Variants in RPS6KA1 observed in about 807,000 individuals in gnomAD.
RPS6KA1 encodes the protein ribosomal protein S6 kinase alpha-1.
Under a neutral mutation model 91.3 loss-of-function variants are expected in RPS6KA1, and 48 were observed. The observed-to-expected ratio is 0.53, with a 90% CI of 0.42 to 0.67. The LOEUF (loss-of-function observed/expected upper bound fraction) is 0.67, where lower values mean the gene tolerates loss of function less well. RPS6KA1 is among the 30% of genes least tolerant of loss of function. RPS6KA1 has a pLI of 0.00. For synonymous variants in RPS6KA1, 359 were observed against 384.7 expected, an observed-to-expected ratio of 0.93 and a Z score of 0.78; for missense variants, 719 against 960.5, an observed-to-expected ratio of 0.75 and a Z score of 3.32.
intron 17 of RPS6KA1, among the ~76,000 whole-genome samples, chr1:26,568,444 T>C (rs1030358304): frequency 1.3e-5 from 2 of 151,982 alleles, no homozygotes; most frequent in Non-Finnish European, 2.9e-5. Context: ...TGTATTAGGG[T>C]AGGAAAAAAG....
At chr1:26,534,791 A>G (rs1012032977) in intron 1 of RPS6KA1, among the ~76,000 whole-genome samples, 4 of 152,170 alleles carry the variant, frequency 2.6e-5, no homozygotes, top group African/African-American at 9.7e-5. Flanking sequence ...ATTTGAACCC[A>G]CAAGGTCAGG....
chr1:26,533,313 C>T (rs1469061525), intron 1 of RPS6KA1, among the ~76,000 whole-genome samples: 1 of 152,134 alleles, frequency 6.6e-6, no homozygotes, highest in Non-Finnish European at 1.5e-5. Context: ...CTCTTGACCT[C>T]GTGATCCTCG....
rs1311295776 is a variant in RPS6KA1 at position 26,554,188 on chromosome 1, C to A, written c.576-26C>A. On this transcript the variant is annotated intron_variant, in intron 7 of 21. Coordinates refer to ENST00000374168, the MANE Select transcript of RPS6KA1 (RefSeq NM_002953.4). The surrounding 1 kb of genome is among the most constrained non-coding windows in gnomAD (Gnocchi z 4.6). ...CACCCACACGGCCACAGCTGAGGGG[C>A]CCTGACCACTATTTCTCTATTACAG... 2 of 1,551,740 alleles carry A rather than the reference C, an allele frequency of 1.3e-6. No individual in the cohort carries two copies. The highest frequency in any genetic ancestry group is 8.7e-7 in the Non-Finnish European group (1 of 1,147,034).
At position 26,555,231 on chromosome 1, in the gene RPS6KA1, A is replaced by G; in HGVS notation, c.827+10A>G. Reference sequence around the variant, plus strand: ...TGACACTGATTCTGAAGTAAGCCCCAGCCCTGCCCTGATAACAATGGACTC... The same window carrying G: ...TGACACTGATTCTGAAGTAAGCCCCGGCCCTGCCCTGATAACAATGGACTC... On this transcript the variant is annotated intron_variant, in intron 10 of 21. Coordinates refer to ENST00000374168, the MANE Select transcript of RPS6KA1 (RefSeq NM_002953.4). This position sits in a 1 kb window ranked among gnomAD's most constrained non-coding sequence, Gnocchi z 4.3. 6.2e-7 allele frequency: 1 copy of G among 1,613,946 alleles called. No homozygotes were observed. The highest frequency in any genetic ancestry group is 8.5e-7 in the Non-Finnish European group (1 of 1,179,832).
At chr1:26,543,110 G>A in intron 2 of RPS6KA1, 2 of 1,531,364 alleles carry the variant, frequency 1.3e-6, no homozygotes, top group Non-Finnish European at 1.7e-6. Flanking sequence ...GCTAAAAAAA[G>A]CAGAAGTAGG....
intron 1 of RPS6KA1, among the ~76,000 whole-genome samples, chr1:26,533,836 G>T (rs1328085993): frequency 6.6e-6 from 1 of 152,204 alleles, no homozygotes; most frequent in African/African-American, 2.4e-5. Flanking sequence ...TTGCTATGCA[G>T]CAGTCAGGCC....
At position 26,572,316 on chromosome 1, in the gene RPS6KA1, G is replaced by A. The variant is rs770055348; in HGVS notation, c.1947+23G>A. On this transcript the variant is annotated intron_variant, in intron 20 of 21. Coordinates refer to ENST00000374168, the MANE Select transcript of RPS6KA1 (RefSeq NM_002953.4). ...AAGGTGAGTCTGTACGGCCTGCGTG[G>A]GCTTATTTGGAGGAGGGAGGCAGGG... 1.2e-5 allele frequency: 18 copies of A among 1,549,350 alleles called. No homozygotes were observed. The South Asian group carries it at 2.0e-4, about 17-fold the overall frequency.
In RPS6KA1 at chr1:26,547,652, C is replaced by T. The variant is rs371733148; in HGVS notation, c.307+382C>T. 97 of 230,310 alleles carry T rather than the reference C, an allele frequency of 4.2e-4. No individual in the cohort carries two copies. The highest frequency in any genetic ancestry group is 2.1e-3 in the African/African-American group (95 of 44,410). 14.3% of individuals were successfully genotyped at this position (230,310 alleles called of 1,614,324 possible). A position where few individuals can be genotyped will look rare whatever the true frequency, so the allele number is the denominator to read the frequency against. ...AGGGCGTGAGTGAAGAGGCAGGGAG[C>T]CCAGGGAGGCAGCTGGGCTAGGCAA... On this transcript the variant is annotated intron_variant, in intron 4 of 21. Transcript: ENST00000374168. The surrounding 1 kb of genome is among the most constrained non-coding windows in gnomAD (Gnocchi z 4.1).
chr1:26,539,640 CTTGT>C (rs2075931817), intron 2 of RPS6KA1, among the ~76,000 whole-genome samples: 1 of 152,158 alleles, frequency 6.6e-6, no homozygotes. Flanking sequence ...CTGTTTAATG[CTTGT>C]TTATTTTATT....
chr1:26,572,567 G>A (rs1419422817), intron 20 of RPS6KA1, among the ~76,000 whole-genome samples: 5 of 152,068 alleles, frequency 3.3e-5, no homozygotes, highest in African/African-American at 9.7e-5. Context: ...TTGTGGAAAC[G>A]TAGTGTAGTG....
Position 26,555,614 on chromosome 1 carries a change from C to T in RPS6KA1, c.905C>T (p.Ala302Val), listed in dbSNP as rs969236565. 1.3e-5 allele frequency: 20 copies of T among 1,595,156 alleles called. No individual in the cohort carries two copies. The highest frequency in any genetic ancestry group is 4.0e-5 in the African/African-American group (3 of 74,544). Reference sequence around the variant, plus strand: ...CGGGCCCTGTTCAAGCGGAATCCTGCCAACCGGCTCGGTAAGCAGCCCCAG... The same window carrying T: ...CGGGCCCTGTTCAAGCGGAATCCTGTCAACCGGCTCGGTAAGCAGCCCCAG... The part of the protein sequence containing the change: ...LLRALFKRNP[A>V]NRLGSGPDGA... Residue 302 changes from alanine to valine, a missense_variant, in exon 11 of 22, where the codon GCC (alanine) becomes GTC (valine). Ala to Val is a moderately conservative substitution (Grantham distance 64). Around this residue, in one of 5 missense-constraint regions of RPS6KA1, gnomAD observed 228 missense variants for 247.6 expected, o/e 0.92. Coordinates refer to ENST00000374168, the MANE Select transcript of RPS6KA1 (RefSeq NM_002953.4). This position sits in a 1 kb window ranked among gnomAD's most constrained non-coding sequence, Gnocchi z 4.3.
chr1:26,556,858 G>A, intron 12 of RPS6KA1, 140 bp downstream of exon 12: 1 of 1,231,860 alleles, frequency 8.1e-7, no homozygotes, highest in South Asian at 1.2e-5. Context: ...TGAAGACAAG[G>A]GCTGGCCTCC....
chr1:26,533,632 C>T (rs564421734), intron 1 of RPS6KA1, among the ~76,000 whole-genome samples: 2 of 152,014 alleles, frequency 1.3e-5, no homozygotes, highest in Non-Finnish European at 2.9e-5. Context: ...TTGAACCCAG[C>T]GGGGCAGAGG....
In RPS6KA1 at chr1:26,572,632, G is replaced by A. The variant is rs547709320; in HGVS notation, c.1947+339G>A. ...AGATGCCTGGAGGCACAGATAGGCG[G>A]ACGCTCTTGGCCAGGGGTGTGGACC... is the stretch of plus-strand genomic sequence containing the variant. On this transcript the variant is annotated intron_variant, in intron 20 of 21. Transcript: ENST00000374168. Among the ~76,000 whole-genome samples, 17 of 152,266 alleles carry A rather than the reference G, an allele frequency of 1.1e-4. 1 individual carries two copies. In the South Asian group the frequency reaches 3.5e-3, roughly 32 times the overall value.
chr1:26,536,473 C>T lies in RPS6KA1; in HGVS notation c.64-452C>T, dbSNP rs2075907474. On this transcript the variant is annotated intron_variant, in intron 1 of 21. Coordinates refer to ENST00000374168, the MANE Select transcript of RPS6KA1 (RefSeq NM_002953.4). The stretch of plus-strand genomic sequence containing the variant: ...TGCTTTCCCAGACTTTGTCTCCTTC[C>T]ACCCTTGCAGCAACTCTGGGAAGTC... Among the ~76,000 whole-genome samples, 3 of 152,220 alleles carry T rather than the reference C, an allele frequency of 2.0e-5. No homozygotes were observed. The South Asian group carries it at 6.2e-4, about 32-fold the overall frequency.
At chr1:26,573,419 A>G in intron 21 of RPS6KA1, 58 bp downstream of exon 21, 1 of 1,603,190 alleles carries the variant, frequency 6.2e-7, no homozygotes, top group South Asian at 1.1e-5. Flanking sequence ...TGGCATGGTC[A>G]GGGACTTGTG....
In RPS6KA1 at chr1:26,571,829, C is replaced by A. The variant is rs372278055; in HGVS notation, c.1753-20C>A. The A allele has an allele frequency of 1.9e-6, 3 of 1,604,860 alleles. No individual in the cohort carries two copies. The highest frequency in any genetic ancestry group is 3.3e-5 in the Admixed American group (2 of 59,852). On this transcript the variant is annotated intron_variant, in intron 18 of 21. Coordinates refer to ENST00000374168, the MANE Select transcript of RPS6KA1 (RefSeq NM_002953.4). The surrounding 1 kb of genome is among the most constrained non-coding windows in gnomAD (Gnocchi z 5.1). The stretch of plus-strand genomic sequence containing the variant: ...TCTACTGCCCCCCCAGACTGACCAC[C>A]TCCCCTGCCCTGTTGCCAGGTGCTG...
In RPS6KA1 at chr1:26,529,809, G is replaced by T. The variant is rs966240173; in HGVS notation, c.-112G>T. ...GCGGCGGACGGCCCAGCCGGAGCGC[G>T]AGGGGCTCGGGGGGGCGCGGCGGTT... On this transcript the variant is annotated 5_prime_UTR_variant, in exon 1 of 22. Transcript: ENST00000374168. This position sits in a 1 kb window ranked among gnomAD's most constrained non-coding sequence, Gnocchi z 4.2. 37 of 766,872 alleles carry T rather than the reference G, an allele frequency of 4.8e-5. No homozygotes were observed. Among genetic ancestry groups the T allele is most frequent in the Non-Finnish European group, 5.7e-5 (33 of 583,098 alleles). 47.5% of individuals were successfully genotyped at this position (766,872 alleles called of 1,614,324 possible).
intron 2 of RPS6KA1, among the ~76,000 whole-genome samples, chr1:26,539,602 A>G (rs555990279): frequency 8.5e-5 from 13 of 152,360 alleles, no homozygotes; most frequent in African/African-American, 2.4e-4. Context: ...AAATTAAAGT[A>G]TCTAACAGGG....
Sources: allele counts gnomAD v4.1 joint callset (sites outside exome capture counted in the v4.1 genomes callset), GRCh38; gene constraint gnomAD v4.1.1; regional missense constraint gnomAD v4.1.1; non-coding constraint Gnocchi (gnomAD v3.1); transcripts MANE v1.5; gene names NCBI Gene and HGNC (gene_info 2026-07-23, HGNC 2026-07-21).